The following FOXP1 variants were observed in gnomAD, a reference collection of about 807,000 sequenced individuals.
FOXP1 encodes the protein forkhead box P1, also known as forkhead box protein P1.
Under a neutral mutation model 98.2 loss-of-function variants are expected in FOXP1, and 15 were observed. The ratio of observed to expected loss-of-function variants is 0.15; its 90% CI spans 0.10 to 0.24. FOXP1 has a LOEUF of 0.24. Ranked by LOEUF, FOXP1 falls within the 10% of genes least tolerant of loss-of-function variation. The probability of loss-of-function intolerance (pLI) is 1.00; values close to 1 mark genes in which losing one functional copy is unlikely to be tolerated. For missense variants in FOXP1, 633 were observed against 848.5 expected, an observed-to-expected ratio of 0.75 and a Z score of 3.15; for synonymous variants, 371 against 314.5, an observed-to-expected ratio of 1.18 and a Z score of -1.90.
chr3:70,968,322 G>A (rs2035409417), intron 19 of FOXP1: 1 of 151,378 alleles, frequency 6.6e-6, no homozygotes, highest in Non-Finnish European at 1.5e-5. Flanking sequence ...ACCCACCCAA[G>A]GTTAGATAAA....
intron 4 of FOXP1, among the ~76,000 whole-genome samples, chr3:71,348,701 A>C (rs989484073): frequency 6.6e-6 from 1 of 152,030 alleles, no homozygotes; most frequent in African/African-American, 2.4e-5. Flanking sequence ...CTATCATTTG[A>C]ATGTTATTGA....
At chr3:71,164,294 G>A (rs1383237471) in intron 6 of FOXP1, among the ~76,000 whole-genome samples, 1 of 152,032 alleles carries the variant, frequency 6.6e-6, no homozygotes, top group Non-Finnish European at 1.5e-5. Context: ...CCGCCTCCCG[G>A]GTTCATGCCA....
At chr3:71,119,558 C>T (rs2058610428) in intron 6 of FOXP1, among the ~76,000 whole-genome samples, 1 of 152,174 alleles carries the variant, frequency 6.6e-6, no homozygotes, top group Non-Finnish European at 1.5e-5. Context: ...GAGTCGTGTT[C>T]TCTCCTCTGT....
At chr3:71,311,764 G>A (rs1262112807) in intron 4 of FOXP1, among the ~76,000 whole-genome samples, 1 of 152,206 alleles carries the variant, frequency 6.6e-6, no homozygotes, top group Non-Finnish European at 1.5e-5. Context: ...TGTGCCCACA[G>A]GGCCTGAGAG....
intron 2 of FOXP1, among the ~76,000 whole-genome samples, chr3:71,558,196 T>C (rs2046276880): frequency 6.6e-6 from 1 of 152,202 alleles, no homozygotes. Context: ...TTTCCATATG[T>C]GGGCACTGCC....
chr3:71,487,820 T>C (rs2090770498), intron 3 of FOXP1, among the ~76,000 whole-genome samples: 1 of 152,196 alleles, frequency 6.6e-6, no homozygotes, highest in Admixed American at 6.5e-5. Context: ...GAATGGAAAA[T>C]ACATGCAATA....
At chr3:71,327,131 G>C (rs2075738453) in intron 4 of FOXP1, among the ~76,000 whole-genome samples, 1 of 151,882 alleles carries the variant, frequency 6.6e-6, no homozygotes, top group Non-Finnish European at 1.5e-5. Context: ...GGGCCATACT[G>C]AACAAAAGCA....
At chr3:71,065,632 C>A (rs1342636155) in intron 7 of FOXP1, 2 of 152,186 alleles carry the variant, frequency 1.3e-5, no homozygotes, top group African/African-American at 4.8e-5. Flanking sequence ...TGCCTCGTCG[C>A]TGAACCAGGC....
chr3:71,328,974 T>TAAAAAAAAAACAAAAAAAAAA, intron 4 of FOXP1, among the ~76,000 whole-genome samples: 1 of 31,166 alleles, frequency 3.2e-5, no homozygotes, highest in Non-Finnish European at 6.2e-5. Flanking sequence ...TCCATCTCGC[T>TAAAAAAAAAACAAAAAAAAAA]AAAAAAAAAA....
intron 11 of FOXP1, among the ~76,000 whole-genome samples, chr3:71,017,847 A>G (rs1201516422): frequency 1.3e-5 from 2 of 152,220 alleles, no homozygotes; most frequent in African/African-American, 4.8e-5. Flanking sequence ...GAATCACTCA[A>G]TTAATGAGTA....
At chr3:71,118,215 C>T (rs762936649) in intron 6 of FOXP1, among the ~76,000 whole-genome samples, 6 of 152,210 alleles carry the variant, frequency 3.9e-5, no homozygotes, top group African/African-American at 7.2e-5. Flanking sequence ...ATTTTTGACA[C>T]ACCTTCCATT....
intron 20 of FOXP1, among the ~76,000 whole-genome samples, chr3:70,959,700 T>C (rs1407287040): frequency 2.6e-5 from 4 of 152,218 alleles, no homozygotes; most frequent in Non-Finnish European, 5.9e-5. Context: ...TGGGTAGTGA[T>C]GCTCTGAATC....
chr3:71,308,801 GTGTGT>G (rs1560283254), intron 4 of FOXP1, among the ~76,000 whole-genome samples: 9 of 140,268 alleles, frequency 6.4e-5, no homozygotes, highest in East Asian at 2.0e-4. Context: ...GTGTGTGTGT[GTGTGT>G]GGGTGAGGGG....
intron 7 of FOXP1, among the ~76,000 whole-genome samples, chr3:71,060,260 A>T (rs968697833): frequency 6.6e-6 from 1 of 152,118 alleles, no homozygotes; most frequent in Non-Finnish European, 1.5e-5. Context: ...AAGAATTACA[A>T]CTCAACTTTC....
chr3:71,127,147 C>T (rs1039485840), intron 6 of FOXP1, among the ~76,000 whole-genome samples: 1 of 152,054 alleles, frequency 6.6e-6, no homozygotes, highest in Non-Finnish European at 1.5e-5. Flanking sequence ...GTAAATGGCA[C>T]TTGTCTAATT....
At chr3:71,030,904 A>T (rs774448253) in intron 11 of FOXP1, among the ~76,000 whole-genome samples, 7 of 152,192 alleles carry the variant, frequency 4.6e-5, no homozygotes, top group Non-Finnish European at 8.8e-5. Flanking sequence ...GAAAAATTTA[A>T]GTTGAATATA....
chr3:71,069,470 A>G (rs1202394795), intron 7 of FOXP1, among the ~76,000 whole-genome samples: 2 of 152,204 alleles, frequency 1.3e-5, no homozygotes, highest in African/African-American at 4.8e-5. Context: ...TGATGAAACT[A>G]TAATCCCCTG....
intron 7 of FOXP1, among the ~76,000 whole-genome samples, chr3:71,085,669 T>C (rs1202753450): frequency 6.6e-6 from 1 of 150,556 alleles, no homozygotes; most frequent in Non-Finnish European, 1.5e-5. Flanking sequence ...ATGCTGTGTG[T>C]CTCTAGCTGG....
chr3:71,274,958 A>G (rs1291031752), intron 5 of FOXP1, among the ~76,000 whole-genome samples: 1 of 152,218 alleles, frequency 6.6e-6, no homozygotes, highest in African/African-American at 2.4e-5. Context: ...TTATACTCAT[A>G]TACACATAAT....
Sources: allele counts gnomAD v4.1 joint callset (sites outside exome capture counted in the v4.1 genomes callset), GRCh38; gene constraint gnomAD v4.1.1; transcripts MANE v1.5; gene names NCBI Gene and HGNC (gene_info 2026-07-23, HGNC 2026-07-21).